Variants in ASXL3 observed in about 807,000 individuals in gnomAD.
The protein encoded by ASXL3 is ASXL transcriptional regulator 3, also known as putative Polycomb group protein ASXL3.
In ASXL3, 34 loss-of-function variants were observed where a neutral mutation model predicts 170.6. The ratio of observed to expected loss-of-function variants is 0.20; its 90% confidence interval spans 0.15 to 0.27. The LOEUF (loss-of-function observed/expected upper bound fraction) is 0.27. Among genes scored for constraint, ASXL3 ranks in the 10% least tolerant of loss-of-function variants. The pLI, the probability that ASXL3 is intolerant of heterozygous loss-of-function variation, is 1.00. For synonymous variants in ASXL3, 1,002 were observed against 989.1 expected (o/e 1.01, Z -0.24); for missense variants, 2,592 against 2,695.3 (o/e 0.96, Z 0.85).
chr18:33,712,831 GGT>G (rs1472295766), intron 8 of ASXL3, among the ~76,000 whole-genome samples: 1 of 152,112 alleles, frequency 6.6e-6, no homozygotes, highest in Non-Finnish European at 1.5e-5. Context: ...ACATGATAGT[GGT>G]TTTTCTCTCT....
chr18:33,721,563 G>A lies in ASXL3; in HGVS notation c.880-10405G>A, dbSNP rs2067260722. Among the ~76,000 whole-genome samples the A allele has an allele frequency of 2.0e-5, 3 of 151,766 alleles. No homozygotes were observed. In the South Asian group the frequency reaches 6.2e-4, roughly 32 times the overall value. ...AAAAAGACAGCTCAGAAGAAGAGAG[G>A]CTTTTATTATGACATCTACTTTAAA... is the stretch of plus-strand genomic sequence containing the variant. On this transcript the variant is annotated intron_variant, in intron 8 of 11. Transcript: ENST00000269197.
At chr18:33,717,921 C>T (rs778442750) in intron 8 of ASXL3, among the ~76,000 whole-genome samples, 7 of 152,066 alleles carry the variant, frequency 4.6e-5, no homozygotes, top group East Asian at 3.9e-4. Flanking sequence ...GTAACAGTAA[C>T]GTAACTGTAG....
At chr18:33,578,924 C>T (rs991915200) in intron 1 of ASXL3, 28 of 193,338 alleles carry the variant, frequency 1.4e-4, no homozygotes, top group African/African-American at 6.4e-4. Flanking sequence ...CCGCCCGGGA[C>T]ACTTCTCCCC....
At chr18:33,589,116 G>C (rs1304330951) in intron 1 of ASXL3, among the ~76,000 whole-genome samples, 1 of 151,754 alleles carries the variant, frequency 6.6e-6, no homozygotes, top group African/African-American at 2.4e-5. Flanking sequence ...GAGTCAGGCA[G>C]ATTTGAGTTT....
chr18:33,617,751 G>A (rs2065449242), intron 2 of ASXL3, among the ~76,000 whole-genome samples: 2 of 152,046 alleles, frequency 1.3e-5, no homozygotes, highest in Non-Finnish European at 2.9e-5. Flanking sequence ...GCTTTATCAA[G>A]ATCTAGGTAT....
At chr18:33,632,151 T>C (rs2065687804) in intron 2 of ASXL3, among the ~76,000 whole-genome samples, 1 of 152,144 alleles carries the variant, frequency 6.6e-6, no homozygotes, top group African/African-American at 2.4e-5. Context: ...TTACAGGTTA[T>C]TTCTACCTAT....
intron 1 of ASXL3, among the ~76,000 whole-genome samples, chr18:33,584,475 G>A (rs554501216): frequency 3.3e-5 from 5 of 152,152 alleles, no homozygotes; most frequent in African/African-American, 9.6e-5. Context: ...TAAGTCTTAC[G>A]ATATGTATTT....
Position 33,731,948 on chromosome 18 carries a change from T to C in ASXL3, c.880-20T>C. The C allele has an allele frequency of 6.3e-7, 1 of 1,595,268 alleles. No individual in the cohort carries two copies. Among genetic ancestry groups the C allele is most frequent in the Non-Finnish European group, 8.5e-7 (1 of 1,170,252 alleles). On this transcript the variant is annotated intron_variant, in intron 8 of 11. Coordinates refer to ENST00000269197, the MANE Select transcript of ASXL3 (RefSeq NM_030632.3). ...ACTTATTCCTGATGGAACCTTGTTTTTGTCGGCTTATTTTCCTAGATGGGA... is the reference window on the plus strand; with the variant it reads ...ACTTATTCCTGATGGAACCTTGTTTCTGTCGGCTTATTTTCCTAGATGGGA...
rs757087101 is a variant in ASXL3, at chr18:33,745,259, A to G, written c.5411A>G (p.Asn1804Ser). Residue 1804 changes from asparagine to serine, a missense_variant, in exon 12 of 12, where the codon AAT becomes AGT. Asn to Ser is a conservative substitution (Grantham distance 46). Around this residue, in one of 4 missense-constraint regions of ASXL3, gnomAD observed 2,246 missense variants for 2,219.6 expected, o/e 1.01. Coordinates refer to ENST00000269197, the MANE Select transcript of ASXL3 (RefSeq NM_030632.3). ...RNVEIPPSSP[N>S]PDGKGYLAGT... ...GTTGAAATTCCGCCCAGCTCTCCAA[A>G]TCCAGATGGTAAGGGCTACTTGGCA... 6.2e-7 allele frequency: 1 copy of G among 1,614,012 alleles called. No individual in the cohort carries two copies.
chr18:33,733,433 T>TG (rs1468436493), intron 9 of ASXL3, among the ~76,000 whole-genome samples: 1 of 152,204 alleles, frequency 6.6e-6, no homozygotes, highest in Non-Finnish European at 1.5e-5. Context: ...CACACCTATC[T>TG]GGTCATGAAC....
intron 1 of ASXL3, among the ~76,000 whole-genome samples, chr18:33,580,709 A>G (rs1351667973): frequency 6.6e-6 from 1 of 152,168 alleles, no homozygotes; most frequent in Non-Finnish European, 1.5e-5. Context: ...TAAAAGTTGG[A>G]TTTTCCTCTC....
chr18:33,612,244 A>G (rs994096569), intron 2 of ASXL3, among the ~76,000 whole-genome samples: 1 of 152,034 alleles, frequency 6.6e-6, no homozygotes, highest in African/African-American at 2.4e-5. Flanking sequence ...TTGGGTTGAA[A>G]GCAAGACAAT....
chr18:33,740,455 A>T lies in ASXL3; in HGVS notation c.3039+12A>T. On this transcript the variant is annotated intron_variant, in intron 11 of 11. Coordinates refer to ENST00000269197, the MANE Select transcript of ASXL3 (RefSeq NM_030632.3). The stretch of plus-strand genomic sequence containing the variant: ...TTCCCCCTCTCAAGGTATGGTATTA[A>T]ATAAACAAAAGGCAATTCCGTAGAT... 6.6e-7 allele frequency: 1 copy of T among 1,521,742 alleles called. No homozygotes were observed. The highest frequency in any genetic ancestry group is 8.8e-7 in the Non-Finnish European group (1 of 1,139,666). 94.3% of individuals were successfully genotyped at this position (1,521,742 alleles called of 1,614,324 possible).
At chr18:33,710,680 GA>G (rs1347021905) in intron 8 of ASXL3, among the ~76,000 whole-genome samples, 1 of 151,994 alleles carries the variant, frequency 6.6e-6, no homozygotes, top group Non-Finnish European at 1.5e-5. Context: ...ATCTAATTTA[GA>G]ATTTCCTACT....
chr18:33,646,886 G>T (rs1032924557), intron 4 of ASXL3, among the ~76,000 whole-genome samples: 12 of 147,034 alleles, frequency 8.2e-5, no homozygotes, highest in Non-Finnish European at 1.4e-4. Context: ...GGAGCGGGGG[G>T]GGGGGGCATT....
Position 33,744,072 on chromosome 18 carries a change from T to A in ASXL3, c.4224T>A (p.Val1408=), listed in dbSNP as rs977924571. 13 of 1,614,020 alleles carry A rather than the reference T, an allele frequency of 8.1e-6. No homozygotes were observed. The highest frequency in any genetic ancestry group is 1.1e-5 in the Non-Finnish European group (13 of 1,179,898). The change falls in exon 12 of 12, where the codon GTT becomes GTA. Residue 1408 remains valine, a synonymous_variant. Transcript: ENST00000269197. ...SDSVAVTDSL[V]AHPTVAMFTG... Reference sequence around the variant, plus strand: ...CTGTAGCGGTCACAGACTCTCTGGTTGCACACCCGACCGTCGCAATGTTTA... The same window carrying A: ...CTGTAGCGGTCACAGACTCTCTGGTAGCACACCCGACCGTCGCAATGTTTA...
chr18:33,701,844 A>G (rs901938959), intron 8 of ASXL3, among the ~76,000 whole-genome samples: 1 of 151,930 alleles, frequency 6.6e-6, no homozygotes, highest in Non-Finnish European at 1.5e-5. Context: ...TCTACTACCC[A>G]TAGTAGTACT....
intron 1 of ASXL3, among the ~76,000 whole-genome samples, chr18:33,595,231 A>G (rs1047894483): frequency 6.6e-6 from 1 of 152,152 alleles, no homozygotes; most frequent in African/African-American, 2.4e-5. Flanking sequence ...TTGTTGTAAA[A>G]TGTTTATTTT....
At chr18:33,648,300 A>T (rs1568303432) in intron 4 of ASXL3, among the ~76,000 whole-genome samples, 1 of 152,096 alleles carries the variant, frequency 6.6e-6, no homozygotes, top group Admixed American at 6.6e-5. Context: ...GAAGGAAAGT[A>T]CTAGCAGTGG....
Sources: gnomAD v4.1 joint callset for allele counts (sites outside exome capture counted in the v4.1 genomes callset) on GRCh38, gnomAD v4.1.1 for gene constraint, gnomAD v4.1.1 regional missense constraint, MANE v1.5 for transcripts, NCBI Gene and HGNC (gene_info 2026-07-23, HGNC 2026-07-21) for gene names.